Variants in SUPT3H observed in about 807,000 individuals in gnomAD.
The protein encoded by SUPT3H is SPT3 homolog, SAGA and STAGA complex component.
In SUPT3H, 44 loss-of-function variants were observed where a neutral mutation model predicts 44.3. The ratio of observed to expected loss-of-function variants is 0.99; its 90% CI spans 0.78 to 1.28. The LOEUF (loss-of-function observed/expected upper bound fraction) is 1.28. SUPT3H is among the 50% of genes most tolerant of loss of function. The pLI is 0.00. For synonymous variants in SUPT3H, 124 were observed against 125.6 expected (o/e 0.99, Z 0.09); for missense variants, 380 against 387.1 (o/e 0.98, Z 0.15).
intron 11 of SUPT3H, among the ~76,000 whole-genome samples, chr6:44,820,682 A>T (rs973982042): frequency 3.9e-5 from 6 of 152,212 alleles, no homozygotes; most frequent in Non-Finnish European, 8.8e-5. Context: ...CAGAGTCTAC[A>T]TTCTAGAGGG....
intron 10 of SUPT3H, among the ~76,000 whole-genome samples, chr6:44,886,114 C>A (rs533662963): frequency 1.3e-5 from 2 of 152,082 alleles, no homozygotes; most frequent in African/African-American, 2.4e-5. Flanking sequence ...TATGGGACTA[C>A]GTGAAAAGAC....
At chr6:45,022,655 T>C (rs1299061615) in intron 3 of SUPT3H, among the ~76,000 whole-genome samples, 9 of 152,054 alleles carry the variant, frequency 5.9e-5, no homozygotes, top group Admixed American at 5.9e-4. Flanking sequence ...AAAGTATCAC[T>C]ATGTTACCTT....
At chr6:45,176,726 C>G (rs903473915) in intron 2 of SUPT3H, among the ~76,000 whole-genome samples, 2 of 152,334 alleles carry the variant, frequency 1.3e-5, no homozygotes, top group South Asian at 2.1e-4. Context: ...AGCTGGAGAT[C>G]TGAGAACAGG....
At chr6:44,916,461 T>C (rs1767817937) in intron 10 of SUPT3H, among the ~76,000 whole-genome samples, 1 of 152,176 alleles carries the variant, frequency 6.6e-6, no homozygotes, top group Non-Finnish European at 1.5e-5. Context: ...TCAGAATGGG[T>C]CTGTTTGCCC....
intron 3 of SUPT3H, among the ~76,000 whole-genome samples, chr6:45,094,176 G>A (rs961903721): frequency 2.6e-5 from 4 of 152,080 alleles, no homozygotes; most frequent in East Asian, 1.9e-4. Flanking sequence ...ATTTTAGCCC[G>A]AACTAAAACG....
intron 2 of SUPT3H, among the ~76,000 whole-genome samples, chr6:45,358,444 T>A (rs992461453): frequency 5.3e-5 from 8 of 152,200 alleles, no homozygotes; most frequent in African/African-American, 1.2e-4. Context: ...TGTAGACAAA[T>A]CCTTTCTTCT....
intron 3 of SUPT3H, among the ~76,000 whole-genome samples, chr6:45,087,916 T>C (rs923018025): frequency 3.3e-5 from 5 of 152,050 alleles, no homozygotes; most frequent in African/African-American, 1.2e-4. Flanking sequence ...TACAATATCT[T>C]AGGACTCGAA....
intron 2 of SUPT3H, among the ~76,000 whole-genome samples, chr6:45,175,403 G>A (rs1366640613): frequency 6.6e-6 from 1 of 152,172 alleles, no homozygotes; most frequent in East Asian, 1.9e-4. Flanking sequence ...ACAGAAGGAA[G>A]AAGTGCTGAG....
intron 2 of SUPT3H, among the ~76,000 whole-genome samples, chr6:45,141,217 G>A (rs894499409): frequency 6.6e-6 from 1 of 151,500 alleles, no homozygotes; most frequent in Non-Finnish European, 1.5e-5. Context: ...GCACATGCCT[G>A]TAATCCCAGC....
chr6:45,033,911 G>A (rs1787312851), intron 3 of SUPT3H, among the ~76,000 whole-genome samples: 1 of 152,128 alleles, frequency 6.6e-6, no homozygotes, highest in African/African-American at 2.4e-5. Flanking sequence ...TCAATTTTGA[G>A]AATTTAACTG....
chr6:45,152,647 C>T (rs6940998), intron 2 of SUPT3H, among the ~76,000 whole-genome samples: 11,425 of 152,056 alleles, frequency 0.075, 867 homozygotes, highest in African/African-American at 0.18. Context: ...TGCAACACCA[C>T]GCCCGGCTAA....
intron 2 of SUPT3H, among the ~76,000 whole-genome samples, chr6:45,360,414 C>T (rs1430784885): frequency 6.6e-6 from 1 of 152,076 alleles, no homozygotes; most frequent in Non-Finnish European, 1.5e-5. Flanking sequence ...TACTTTTTAC[C>T]TTCAGGGTTT....
chr6:45,371,238 A>AT (rs1796014819), intron 1 of SUPT3H, among the ~76,000 whole-genome samples: 2 of 152,338 alleles, frequency 1.3e-5, no homozygotes, highest in Admixed American at 1.3e-4. Context: ...AGCTTATGAG[A>AT]ATTCTGCATT....
chr6:45,328,523 T>C (rs1289602669), intron 2 of SUPT3H: 3 of 1,562,122 alleles, frequency 1.9e-6, no homozygotes, highest in Non-Finnish European at 8.7e-7. Context: ...TTGCTCATTC[T>C]CTTTTTGTTT....
intron 2 of SUPT3H, among the ~76,000 whole-genome samples, chr6:45,263,224 G>A (rs1023301346): frequency 2.6e-5 from 4 of 152,106 alleles, no homozygotes; most frequent in Admixed American, 1.3e-4. Flanking sequence ...CAAAGACATG[G>A]AATCAACCTA....
intron 3 of SUPT3H, among the ~76,000 whole-genome samples, chr6:45,053,005 G>C (rs1790542207): frequency 6.6e-6 from 1 of 152,002 alleles, no homozygotes; most frequent in Non-Finnish European, 1.5e-5. Flanking sequence ...TAAAAAGGGA[G>C]GGAGGAGAGT....
At chr6:45,027,199 C>G (rs1562292804) in intron 3 of SUPT3H, among the ~76,000 whole-genome samples, 1 of 151,970 alleles carries the variant, frequency 6.6e-6, no homozygotes, top group South Asian at 2.1e-4. Context: ...CCACGTTGAC[C>G]AGGCTGGCTG....
chr6:44,940,601 T>G (rs1374084279), intron 9 of SUPT3H, among the ~76,000 whole-genome samples: 1 of 152,146 alleles, frequency 6.6e-6, no homozygotes, highest in African/African-American at 2.4e-5. Context: ...GACTTCTGTC[T>G]CAACCATTTG....
intron 1 of SUPT3H, among the ~76,000 whole-genome samples, chr6:45,369,053 T>C (rs1337000525): frequency 6.6e-6 from 1 of 152,126 alleles, no homozygotes; most frequent in African/African-American, 2.4e-5. Context: ...CTTCTAGACC[T>C]AGTGTTTAGA....
Sources: gnomAD v4.1 joint callset for allele counts (sites outside exome capture counted in the v4.1 genomes callset) on GRCh38, gnomAD v4.1.1 for gene constraint, MANE v1.5 for transcripts, NCBI Gene and HGNC (gene_info 2026-07-23, HGNC 2026-07-21) for gene names.